The following VPS8 variants were observed in gnomAD, a reference collection of about 807,000 sequenced individuals.
VPS8 encodes the protein VPS8 subunit of CORVET complex.
Under a neutral mutation model 216.4 loss-of-function variants are expected in VPS8, and 129 were observed. That is an observed-to-expected ratio of 0.60 (90% confidence interval 0.52 to 0.69). The LOEUF is 0.69. VPS8 is among the 30% of genes least tolerant of loss of function. VPS8 has a pLI of 0.00. For missense variants in VPS8, 1,531 were observed against 1,683.5 expected (o/e 0.91, Z 1.59); for synonymous variants, 571 against 565.4 (o/e 1.01, Z -0.14).
intron 23 of VPS8, among the ~76,000 whole-genome samples, chr3:184,896,982 A>T (rs1236973654): frequency 2.0e-5 from 3 of 152,182 alleles, no homozygotes; most frequent in Non-Finnish European, 2.9e-5. Flanking sequence ...GGTAAAAGCA[A>T]CAGCTAGCAT....
intron 45 of VPS8, among the ~76,000 whole-genome samples, chr3:185,001,244 T>C (rs1461744610): frequency 1.3e-5 from 2 of 152,122 alleles, no homozygotes; most frequent in Non-Finnish European, 2.9e-5. Context: ...GGTTTAAGGG[T>C]TCAGTCCCAC....
chr3:184,872,592 C>A (rs1728541251), intron 21 of VPS8, among the ~76,000 whole-genome samples: 1 of 151,912 alleles, frequency 6.6e-6, no homozygotes, highest in Admixed American at 6.6e-5. Flanking sequence ...TTTGATTTTT[C>A]AGTGATTAGT....
intron 24 of VPS8, among the ~76,000 whole-genome samples, chr3:184,899,683 G>A (rs1309519132): frequency 6.6e-6 from 1 of 152,076 alleles, no homozygotes; most frequent in Non-Finnish European, 1.5e-5. Flanking sequence ...TTCTCAGTGA[G>A]GTCCAGTGCC....
intron 40 of VPS8, among the ~76,000 whole-genome samples, chr3:184,972,862 A>G (rs1046234374): frequency 6.6e-6 from 1 of 152,344 alleles, no homozygotes; most frequent in African/African-American, 2.4e-5. Context: ...TCCAGGGCTC[A>G]GGCCTCTGAC....
chr3:184,959,671 A>C (rs1396906717), intron 37 of VPS8, among the ~76,000 whole-genome samples: 1 of 152,086 alleles, frequency 6.6e-6, no homozygotes, highest in Non-Finnish European at 1.5e-5. Context: ...TCAGGTTAGC[A>C]ATTTTATGAG....
chr3:184,926,657 A>G lies in VPS8; in HGVS notation c.2631+7A>G, dbSNP rs539331837. The G allele has an allele frequency of 2.5e-6, 4 of 1,595,918 alleles. No individual in the cohort carries two copies. The South Asian group carries it at 3.4e-5, about 14-fold the overall frequency. On this transcript the variant is annotated splice_region_variant and intron_variant, in intron 31 of 47. Coordinates refer to ENST00000625842, the MANE Select transcript of VPS8 (RefSeq NM_001009921.3). ...ACACTCTGAAAGACAGCAGGTATGAACTACTAGAACTCTTTTTGCTAAAAA... is the reference window on the plus strand; with the variant it reads ...ACACTCTGAAAGACAGCAGGTATGAGCTACTAGAACTCTTTTTGCTAAAAA...
intron 5 of VPS8, among the ~76,000 whole-genome samples, chr3:184,836,676 A>G (rs1432891183): frequency 6.6e-6 from 1 of 152,042 alleles, no homozygotes; most frequent in Non-Finnish European, 1.5e-5. Context: ...CTTTCCTGTG[A>G]TGGTTGGTTT....
chr3:184,982,500 T>C (rs967750317), intron 40 of VPS8, 66 bp from the exon 41 acceptor site: 15 of 1,166,648 alleles, frequency 1.3e-5, no homozygotes, highest in Non-Finnish European at 1.9e-5. Context: ...ATGTTAGTTA[T>C]TCTTTTGTTT....
intron 45 of VPS8, among the ~76,000 whole-genome samples, chr3:185,010,967 C>A (rs1234530702): frequency 6.6e-6 from 1 of 151,914 alleles, no homozygotes; most frequent in African/African-American, 2.4e-5. Context: ...CCATGGGACT[C>A]CAGCCTGGGC....
At chr3:184,912,196 C>T (rs376303963) in intron 25 of VPS8, among the ~76,000 whole-genome samples, 9 of 152,242 alleles carry the variant, frequency 5.9e-5, no homozygotes, top group Admixed American at 3.3e-4. Context: ...CTTTGGCTGC[C>T]GGCTGAATAA....
chr3:185,017,852 T>C (rs1182808245), intron 45 of VPS8, among the ~76,000 whole-genome samples: 1 of 152,000 alleles, frequency 6.6e-6, no homozygotes, highest in African/African-American at 2.4e-5. Context: ...TCATGACGTT[T>C]CCCGAAATCA....
chr3:184,867,624 T>C (rs928627237), intron 17 of VPS8, among the ~76,000 whole-genome samples: 3 of 152,114 alleles, frequency 2.0e-5, no homozygotes, highest in African/African-American at 4.8e-5. Context: ...GGCGGGCAGA[T>C]CACATGAGGC....
chr3:184,912,132 A>G (rs778685817), intron 25 of VPS8, among the ~76,000 whole-genome samples: 2 of 152,212 alleles, frequency 1.3e-5, no homozygotes, highest in Non-Finnish European at 2.9e-5. Flanking sequence ...AAACCAAAGT[A>G]TAAAAGTTAA....
chr3:184,945,839 C>A lies in VPS8; in HGVS notation c.3035+5596C>A, dbSNP rs543832538. On this transcript the variant is annotated intron_variant, in intron 36 of 47. Coordinates refer to ENST00000625842, the MANE Select transcript of VPS8 (RefSeq NM_001009921.3). ...TTCCTGGAGAACTCAGAGGCTGGGG[C>A]TTTTATGGATAATTAGGTGGGCAAG... is the stretch of plus-strand genomic sequence containing the variant. Among the ~76,000 whole-genome samples the A allele has an allele frequency of 4.6e-5, 7 of 152,264 alleles. No homozygotes were observed. In the South Asian group the frequency reaches 1.2e-3, roughly 27 times the overall value.
At chr3:184,816,086 T>G (rs1560229315) in intron 1 of VPS8, 1 of 152,132 alleles carries the variant, frequency 6.6e-6, no homozygotes, top group Non-Finnish European at 1.5e-5. Context: ...GGAGCTGAAG[T>G]GGGTCTGAGA....
chr3:184,959,487 A>G (rs1746136388), intron 37 of VPS8, among the ~76,000 whole-genome samples: 1 of 152,222 alleles, frequency 6.6e-6, no homozygotes, highest in South Asian at 2.1e-4. Flanking sequence ...CCACAAAAAT[A>G]TACTTTACCA....
intron 15 of VPS8, 80 bp downstream of exon 15, chr3:184,860,145 T>A (rs1323655068): frequency 8.4e-7 from 1 of 1,193,796 alleles, no homozygotes; most frequent in Non-Finnish European, 1.2e-6. Context: ...GCTACCAGGA[T>A]TTCTGCCAAG....
intron 42 of VPS8, among the ~76,000 whole-genome samples, chr3:184,992,363 C>T (rs1415516173): frequency 6.6e-6 from 1 of 152,008 alleles, no homozygotes; most frequent in Admixed American, 6.6e-5. Flanking sequence ...TGTTAGAAAC[C>T]CATATTTTCA....
At chr3:184,983,190 C>A in intron 42 of VPS8, 96 bp downstream of exon 42, 1 of 1,101,066 alleles carries the variant, frequency 9.1e-7, no homozygotes, top group Non-Finnish European at 1.2e-6. Context: ...AAATGGATCT[C>A]AAGCATAATG....
Sources: gnomAD v4.1 joint callset for allele counts (sites outside exome capture counted in the v4.1 genomes callset) on GRCh38, gnomAD v4.1.1 for gene constraint, MANE v1.5 for transcripts, NCBI Gene and HGNC (gene_info 2026-07-23, HGNC 2026-07-21) for gene names.